The following BRCA2 variants were observed in gnomAD, a reference collection of about 807,000 sequenced individuals.
The protein encoded by BRCA2 is breast cancer type 2 susceptibility protein.
In BRCA2, 203 loss-of-function variants were observed where a neutral mutation model predicts 276.7. The ratio of observed to expected loss-of-function variants is 0.73; its 90% CI spans 0.65 to 0.82. The LOEUF is 0.82. Among genes scored for constraint, BRCA2 ranks in the 40% least tolerant of loss-of-function variants. The pLI is 0.00. For synonymous variants in BRCA2, 1,289 were observed against 1,338.4 expected (o/e 0.96, Z 0.81); for missense variants, 3,920 against 3,915.0 (o/e 1.00, Z -0.03).
intron 17 of BRCA2, 146 bp from the exon 18 acceptor site, chr13:32,363,033 C>G (rs549938044): frequency 1.3e-6 from 1 of 755,370 alleles, no homozygotes; most frequent in African/African-American, 1.8e-5. Context: ...CAATATGAAA[C>G]AATATATTCC....
rs867260761 is a variant in BRCA2, at chr13:32,323,169, T to G, written c.317-1907T>G. Among the ~76,000 whole-genome samples, 405 of 130,882 alleles carry G rather than the reference T, an allele frequency of 3.1e-3. 3 individuals are homozygous for G. The highest frequency in any genetic ancestry group is 0.011 in the African/African-American group (391 of 35,056). 85.9% of individuals were successfully genotyped at this position (130,882 alleles called of 152,430 possible). On this transcript the variant is annotated intron_variant, in intron 3 of 26. Transcript: ENST00000380152. The stretch of plus-strand genomic sequence containing the variant: ...TTATTTAATTTTTTTTTTTTTTTTT[T>G]GGAGATGAAATCTCGCTTTGTCGCC...
chr13:32,344,168 A>G (rs1259526757), intron 11 of BRCA2, among the ~76,000 whole-genome samples: 312 of 15,220 alleles, frequency 0.02, 2 homozygotes, highest in African/African-American at 0.059. Context: ...CCCGTGCTGA[A>G]AAAAAAAAAA....
Position 32,340,923 on chromosome 13 carries a change from G to A in BRCA2, c.6568G>A (p.Val2190Ile), listed in dbSNP as rs80358888. The A allele has an allele frequency of 1.3e-5, 21 of 1,610,066 alleles. 1 individual carries two copies. The highest frequency in any genetic ancestry group is 1.3e-5 in the African/African-American group (1 of 74,602). Residue 2190 changes from valine (V) to isoleucine (I), a missense_variant, in exon 11 of 27, where the codon GTA becomes ATA. Transcript: ENST00000380152. ...AAAAGAACAGGCTTCACCTAAAAAC[G>A]TAAAAATGGAAATTGGTAAAACTGA... ...LGKEQASPKNVKMEIGKTETF... is the reference protein window; with the variant it reads ...LGKEQASPKNIKMEIGKTETF...
Position 32,379,332 on chromosome 13 carries a change from G to T in BRCA2, c.8770G>T (p.Glu2924Ter), listed in dbSNP as rs80359133. ...PAYLEGYFSEEQLRALNNHRQ... is the reference protein window; with the variant it reads ...PAYLEGYFSE Reference sequence around the variant, plus strand: ...ATGGTCACAGGGTTATTTCAGTGAAGAGCAGTTAAGAGCCTTGAATAATCA... The same window carrying T: ...ATGGTCACAGGGTTATTTCAGTGAATAGCAGTTAAGAGCCTTGAATAATCA... Residue 2924 changes from glutamate (E) to a stop codon, truncating the protein, a stop_gained, in exon 22 of 27, where the codon GAG becomes TAG. Transcript: ENST00000380152. LOFTEE classifies it high-confidence loss of function. 2 of 1,613,556 alleles carry T rather than the reference G, an allele frequency of 1.2e-6. No homozygotes were observed. Among genetic ancestry groups the T allele is most frequent in the Non-Finnish European group, 1.7e-6 (2 of 1,179,780 alleles).
intron 24 of BRCA2, among the ~76,000 whole-genome samples, chr13:32,384,183 C>G (rs2072943583): frequency 1.3e-5 from 2 of 152,182 alleles, no homozygotes; most frequent in Admixed American, 1.3e-4. Context: ...AGCAATGAAG[C>G]ATGAGGAAGA....
chr13:32,370,828 GGT>G, intron 19 of BRCA2, 126 bp from the exon 20 acceptor site: 1 of 1,201,510 alleles, frequency 8.3e-7, no homozygotes, highest in Admixed American at 1.9e-5. Flanking sequence ...CCTGACCTCA[GGT>G]GATCCACTAA....
chr13:32,319,725 G>C (rs556289156), intron 3 of BRCA2, among the ~76,000 whole-genome samples: 1 of 152,262 alleles, frequency 6.6e-6, no homozygotes, highest in South Asian at 2.1e-4. Context: ...AGTTTCCCTG[G>C]CGTAGGTGCC....
At chr13:32,351,958 T>C (rs773648228) in intron 13 of BRCA2, among the ~76,000 whole-genome samples, 9 of 152,094 alleles carry the variant, frequency 5.9e-5, no homozygotes, top group Non-Finnish European at 8.8e-5. Context: ...CGTGCCACCA[T>C]GCCCGGCTAA....
Position 32,398,817 on chromosome 13 carries a change from T to G in BRCA2, c.*47T>G. On this transcript the variant is annotated 3_prime_UTR_variant, in exon 27 of 27. Coordinates refer to ENST00000380152, the MANE Select transcript of BRCA2 (RefSeq NM_000059.4). ...AATTATTGACGCTTAACCTTTCCAG[T>G]TTATAAGACTGGAATATAATTTCAA... 1 of 1,594,752 alleles carries G rather than the reference T, an allele frequency of 6.3e-7. No homozygotes were observed. Among genetic ancestry groups the G allele is most frequent in the Non-Finnish European group, 8.5e-7 (1 of 1,170,508 alleles).
chr13:32,364,846 C>T (rs1002688112), intron 18 of BRCA2, among the ~76,000 whole-genome samples: 6 of 152,138 alleles, frequency 3.9e-5, no homozygotes, highest in Admixed American at 1.3e-4. Context: ...CCATACAGCT[C>T]TCATTCTGTA....
At chr13:32,395,348 C>T (rs929174231) in intron 25 of BRCA2, among the ~76,000 whole-genome samples, 2 of 152,090 alleles carry the variant, frequency 1.3e-5, no homozygotes, top group Non-Finnish European at 2.9e-5. Flanking sequence ...GATTTAATCC[C>T]AGATAAGAGA....
At position 32,398,227 on chromosome 13, in the gene BRCA2, G is replaced by A. The variant is rs2137663122; in HGVS notation, c.9714G>A (p.Lys3238=). ...TATCACTTTGTATGGCCAAAAGGAAGTCTGTTTCCACACCTGTCTCAGCCC... is the reference window on the plus strand; with the variant it reads ...TATCACTTTGTATGGCCAAAAGGAAATCTGTTTCCACACCTGTCTCAGCCC... ...SPLSLCMAKR[K]SVSTPVSAQM... The change falls in exon 27 of 27, where the codon AAG becomes AAA. Residue 3238 remains lysine, a synonymous_variant. Coordinates refer to ENST00000380152, the MANE Select transcript of BRCA2 (RefSeq NM_000059.4). The A allele has an allele frequency of 6.2e-7, 1 of 1,613,560 alleles. No individual in the cohort carries two copies. The highest frequency in any genetic ancestry group is 8.5e-7 in the Non-Finnish European group (1 of 1,179,858).
intron 24 of BRCA2, among the ~76,000 whole-genome samples, chr13:32,387,356 C>T (rs191236604): frequency 1.8e-3 from 277 of 152,282 alleles, no homozygotes; most frequent in Non-Finnish European, 2.1e-3. Context: ...CTAGGAATAA[C>T]TGGCGGGTAT....
intron 9 of BRCA2, among the ~76,000 whole-genome samples, chr13:32,331,693 ATAAT>A (rs1472825954): frequency 6.6e-6 from 1 of 152,198 alleles, no homozygotes; most frequent in African/African-American, 2.4e-5. Context: ...AATAAGATAT[ATAAT>A]TAACAAAATC....
At position 32,395,894 on chromosome 13, in the gene BRCA2, T is replaced by C. The variant is rs1012130; in HGVS notation, c.9501+961T>C. The C allele has an allele frequency of 0.24, 45,684 of 189,324 alleles. 6,236 individuals carry two copies. The highest frequency in any genetic ancestry group is 0.28 in the Admixed American group (4,627 of 16,774). 11.7% of individuals were successfully genotyped at this position (189,324 alleles called of 1,614,324 possible). ...TCTAAATTAGGGGTGGGAGTTGTAT[T>C]CATTATTTAGTTCCCATACAGCATA... On this transcript the variant is annotated intron_variant, in intron 25 of 26. Coordinates refer to ENST00000380152, the MANE Select transcript of BRCA2 (RefSeq NM_000059.4).
At chr13:32,348,211 A>G (rs903958095) in intron 13 of BRCA2, among the ~76,000 whole-genome samples, 1 of 152,102 alleles carries the variant, frequency 6.6e-6, no homozygotes, top group African/African-American at 2.4e-5. Flanking sequence ...AATTCTGTGG[A>G]TCTATCATCT....
At chr13:32,331,157 C>A in intron 9 of BRCA2, 127 bp downstream of exon 9, 1 of 691,638 alleles carries the variant, frequency 1.4e-6, no homozygotes, top group Non-Finnish European at 2.6e-6. Flanking sequence ...CTCCCGTGCT[C>A]AAGCGATCCT....
intron 11 of BRCA2, among the ~76,000 whole-genome samples, chr13:32,343,603 A>G (rs2072589149): frequency 6.6e-6 from 1 of 152,142 alleles, no homozygotes; most frequent in Admixed American, 6.5e-5. Flanking sequence ...TCTGAGGTAT[A>G]TATGCTTAAA....
chr13:32,320,820 ACAG>A (rs1348141596), intron 3 of BRCA2, among the ~76,000 whole-genome samples: 2 of 152,218 alleles, frequency 1.3e-5, no homozygotes, highest in African/African-American at 4.8e-5. Context: ...TAATGATCAA[ACAG>A]CAGTCTTTGG....
Sources: gnomAD v4.1 joint callset for allele counts (sites outside exome capture counted in the v4.1 genomes callset) on GRCh38, gnomAD v4.1.1 for gene constraint, MANE v1.5 for transcripts, NCBI Gene and HGNC (gene_info 2026-07-23, HGNC 2026-07-21) for gene names.